SLC38A9: variants seen among roughly 807,000 people sequenced by gnomAD.
SLC38A9 encodes solute carrier family 38 member 9.
A neutral mutation model predicts 62.3 loss-of-function variants in SLC38A9; 48 were observed. The observed-to-expected ratio is 0.77, with a 90% CI of 0.61 to 0.98. The LOEUF (loss-of-function observed/expected upper bound fraction) is 0.98, where lower values mean the gene tolerates loss of function less well. Ranked by LOEUF, SLC38A9 falls within the 50% of genes least tolerant of loss-of-function variation. The probability of loss-of-function intolerance (pLI) is 0.00; values close to 1 mark genes in which losing one functional copy is unlikely to be tolerated. For missense variants in SLC38A9, 541 were observed against 679.8 expected, an observed-to-expected ratio of 0.80 and a Z score of 2.27; for synonymous variants, 204 against 227.7, an observed-to-expected ratio of 0.90 and a Z score of 0.94.
intron 8 of SLC38A9, among the ~76,000 whole-genome samples, chr5:55,656,998 C>A (rs1354375333): frequency 6.6e-6 from 1 of 152,012 alleles, no homozygotes; most frequent in Non-Finnish European, 1.5e-5. Flanking sequence ...GTAGCTGGGA[C>A]TACAAGCGCC....
chr5:55,648,002 G>C (rs1322379655), intron 11 of SLC38A9, among the ~76,000 whole-genome samples: 1 of 152,184 alleles, frequency 6.6e-6, no homozygotes, highest in African/African-American at 2.4e-5. Flanking sequence ...CACTTTGGGA[G>C]GCTGAGGCAG....
chr5:55,671,738 C>T (rs1580278683), intron 4 of SLC38A9, among the ~76,000 whole-genome samples: 1 of 152,060 alleles, frequency 6.6e-6, no homozygotes, highest in South Asian at 2.1e-4. Context: ...ACCCCAGCTA[C>T]TCAGGAGGCT....
chr5:55,647,187 A>AT (rs535424235), intron 11 of SLC38A9, among the ~76,000 whole-genome samples: 6,818 of 94,608 alleles, frequency 0.072, 187 homozygotes, highest in African/African-American at 0.11. Flanking sequence ...TTTATTTTTT[A>AT]TTTTTTTTTG....
intron 3 of SLC38A9, among the ~76,000 whole-genome samples, chr5:55,692,213 T>C (rs1042074235): frequency 4.6e-5 from 7 of 152,226 alleles, no homozygotes; most frequent in Non-Finnish European, 8.8e-5. Flanking sequence ...TCCATCGTTT[T>C]ACAAAGCTGG....
At position 55,709,932 on chromosome 5, in the gene SLC38A9, G is replaced by A. The variant is rs556718880; in HGVS notation, c.-35+1520C>T. On this transcript the variant is annotated intron_variant, in intron 2 of 15. Transcript: ENST00000396865. ...CACACACAAAAAATTAGCCGGGTATGGTGGCGTGTGCCTGTAGTCCCAGCT... is the reference window on the plus strand; with the variant it reads ...CACACACAAAAAATTAGCCGGGTATAGTGGCGTGTGCCTGTAGTCCCAGCT... 1.1e-4 allele frequency among the ~76,000 whole-genome samples: 16 copies of A among 151,658 alleles called. No homozygotes were observed. In the East Asian group the frequency reaches 3.2e-3, roughly 30 times the overall value.
Position 55,672,652 on chromosome 5 carries a change from C to T in SLC38A9, c.157G>A (p.Val53Ile). Reference sequence around the variant, plus strand: ...GCATGGTCACTAACCCTCTGAATGACATGATTCACATTCACGATGTTTGTG... The same window carrying T: ...GCATGGTCACTAACCCTCTGAATGATATGATTCACATTCACGATGTTTGTG... The part of the protein sequence containing the change: ...EPTNIVNVNH[V>I]IQRVSDHASA... Residue 53 changes from valine (V) to isoleucine (I), a missense_variant, in exon 4 of 16, where the codon GTC becomes ATC. Val to Ile is a conservative substitution (Grantham distance 29). Transcript: ENST00000396865. The T allele has an allele frequency of 6.2e-7, 1 of 1,614,048 alleles. No individual in the cohort carries two copies. The highest frequency in any genetic ancestry group is 8.5e-7 in the Non-Finnish European group (1 of 1,179,974).
chr5:55,647,157 T>A (rs1245334600), intron 11 of SLC38A9, among the ~76,000 whole-genome samples: 2 of 142,944 alleles, frequency 1.4e-5, no homozygotes, highest in East Asian at 4.0e-4. Flanking sequence ...TGTCAGGTTA[T>A]GCAATTTATT....
chr5:55,669,725 T>C, intron 5 of SLC38A9, 33 bp downstream of exon 5: 1 of 1,606,394 alleles, frequency 6.2e-7, no homozygotes, highest in South Asian at 1.1e-5. Context: ...CATATACAGT[T>C]TAAGTCATGC....
At chr5:55,701,503 C>A (rs3846509) in intron 2 of SLC38A9, among the ~76,000 whole-genome samples, 1 of 151,956 alleles carries the variant, frequency 6.6e-6, no homozygotes, top group Non-Finnish European at 1.5e-5. Context: ...TCAAATATAT[C>A]CAGAATCTAA....
chr5:55,697,654 G>GGA (rs1491301716), intron 3 of SLC38A9, among the ~76,000 whole-genome samples, 192 bp downstream of exon 3: 131 of 131,306 alleles, frequency 1.0e-3, no homozygotes, highest in African/African-American at 3.6e-3. Context: ...TGAGTTTAGT[G>GGA]AAAAAAAAAA....
At chr5:55,630,976 A>G (rs1743331802) in intron 14 of SLC38A9, among the ~76,000 whole-genome samples, 2 of 152,068 alleles carry the variant, frequency 1.3e-5, no homozygotes, top group African/African-American at 4.8e-5. Flanking sequence ...TACTAAAAAC[A>G]CAAAAAATTA....
chr5:55,635,314 G>A (rs1744171093), intron 13 of SLC38A9: 1 of 554,992 alleles, frequency 1.8e-6, no homozygotes, highest in Non-Finnish European at 3.2e-6. Flanking sequence ...TTATCTCAGA[G>A]TCCATCTAAA....
rs1256810836 is a variant in SLC38A9, at chr5:55,669,899, G to A, written c.247-20C>T. The A allele has an allele frequency of 4.5e-6, 7 of 1,571,168 alleles. No individual in the cohort carries two copies. In the East Asian group the frequency reaches 9.0e-5, roughly 20 times the overall value. The stretch of plus-strand genomic sequence containing the variant: ...GGCAATCTGGTAAAAAGGAAACATA[G>A]ATAAATTTCAGAACCAGGAAATGCA... On this transcript the variant is annotated intron_variant, in intron 4 of 15. Coordinates refer to ENST00000396865, the MANE Select transcript of SLC38A9 (RefSeq NM_173514.4).
intron 3 of SLC38A9, among the ~76,000 whole-genome samples, chr5:55,687,072 T>C (rs1199556971): frequency 8.9e-5 from 2 of 22,502 alleles, no homozygotes; most frequent in African/African-American, 2.1e-4. Context: ...TTTGTTTTTT[T>C]TTTTTTTTTT....
At chr5:55,674,465 G>C (rs1218536341) in intron 3 of SLC38A9, among the ~76,000 whole-genome samples, 5 of 152,148 alleles carry the variant, frequency 3.3e-5, no homozygotes, top group African/African-American at 9.7e-5. Context: ...TATCATAGGA[G>C]TGGGATCCTG....
chr5:55,637,974 CAAT>C (rs1199680315), intron 12 of SLC38A9, among the ~76,000 whole-genome samples: 3 of 142,064 alleles, frequency 2.1e-5, no homozygotes, highest in African/African-American at 8.2e-5. Context: ...AGTTAATAAA[CAAT>C]AATAATAAAA....
chr5:55,700,431 A>G (rs946362621), intron 2 of SLC38A9, among the ~76,000 whole-genome samples: 3 of 152,102 alleles, frequency 2.0e-5, no homozygotes, highest in African/African-American at 7.2e-5. Context: ...TGGAATTAAA[A>G]TGTCCAAAGG....
chr5:55,645,923 T>C (rs759643992), intron 11 of SLC38A9, 28 bp from the exon 12 acceptor site: 5 of 1,440,394 alleles, frequency 3.5e-6, no homozygotes, highest in Non-Finnish European at 4.8e-6. Flanking sequence ...ACAAGAACAT[T>C]AAAACTGACA....
At chr5:55,687,080 T>TG (rs1267998130) in intron 3 of SLC38A9, among the ~76,000 whole-genome samples, 1 of 150,796 alleles carries the variant, frequency 6.6e-6, no homozygotes, top group Admixed American at 6.7e-5. Flanking sequence ...TTTTTTTTTT[T>TG]TTTTTTTTTT....
Sources: gnomAD v4.1 joint callset for allele counts (sites outside exome capture counted in the v4.1 genomes callset) on GRCh38, gnomAD v4.1.1 for gene constraint, MANE v1.5 for transcripts, NCBI Gene and HGNC (gene_info 2026-07-23, HGNC 2026-07-21) for gene names.